The following SSH1 variants were observed in gnomAD, a reference collection of about 807,000 sequenced individuals.
The protein encoded by SSH1 is protein phosphatase Slingshot homolog 1.
A neutral mutation model predicts 79.7 loss-of-function variants in SSH1; 43 were observed. The observed-to-expected ratio is 0.54, with a 90% confidence interval of 0.42 to 0.70. The LOEUF is 0.70. Ranked by LOEUF, SSH1 falls within the 30% of genes least tolerant of loss-of-function variation. SSH1 has a pLI of 0.00. For synonymous variants in SSH1, 599 were observed against 538.3 expected, an observed-to-expected ratio of 1.11 and a Z score of -1.56; for missense variants, 1,206 against 1,358.8, an observed-to-expected ratio of 0.89 and a Z score of 1.77.
intron 2 of SSH1, among the ~76,000 whole-genome samples, chr12:108,830,740 C>T (rs527521609): frequency 2.6e-5 from 4 of 152,134 alleles, no homozygotes; most frequent in Non-Finnish European, 5.9e-5. Context: ...GAATGTTCTT[C>T]TGGCCCTCTA....
At chr12:108,790,275 T>C (rs1322005067) in intron 14 of SSH1, among the ~76,000 whole-genome samples, 2 of 151,998 alleles carry the variant, frequency 1.3e-5, no homozygotes, top group African/African-American at 4.8e-5. Context: ...CTCAGCCTCC[T>C]GAGTAGCTGG....
chr12:108,806,795 T>C (rs771903205), intron 8 of SSH1, among the ~76,000 whole-genome samples: 16 of 152,192 alleles, frequency 1.1e-4, no homozygotes, highest in Non-Finnish European at 2.1e-4. Flanking sequence ...TTATCCCCTT[T>C]TTCCTCAGAA....
Position 108,788,314 on chromosome 12 carries a change from G to A in SSH1, c.2824C>T (p.His942Tyr). 1.2e-6 allele frequency: 2 copies of A among 1,613,458 alleles called. No homozygotes were observed. Among genetic ancestry groups the A allele is most frequent in the Non-Finnish European group, 8.5e-7 (1 of 1,179,950 alleles). ...LTRSSSSDSI[H>Y]SVRGKPGLVK... ...AGCCCGGGCTTCCCACGGACACTGT[G>A]GATGCTATCGCTGCTGGAGCTCCGG... Residue 942 changes from histidine to tyrosine, a missense_variant, in exon 15 of 15, where the codon CAC becomes TAC. Physicochemically the swap from His to Tyr is moderately conservative, Grantham distance 83. Coordinates refer to ENST00000326495, the MANE Select transcript of SSH1 (RefSeq NM_018984.4).
At chr12:108,820,702 A>G (rs918781066) in intron 3 of SSH1, among the ~76,000 whole-genome samples, 4 of 152,250 alleles carry the variant, frequency 2.6e-5, no homozygotes, top group African/African-American at 9.6e-5. Flanking sequence ...TTCCAAGGAC[A>G]GAATTAACCC....
rs1346372952 is a variant in SSH1, at chr12:108,857,537, T to A, written c.-41A>T. On this transcript the variant is annotated 5_prime_UTR_variant, in exon 1 of 15. Coordinates refer to ENST00000326495, the MANE Select transcript of SSH1 (RefSeq NM_018984.4). This position sits in a 1 kb window ranked among gnomAD's most constrained non-coding sequence, Gnocchi z 4.7. The stretch of plus-strand genomic sequence containing the variant: ...CGAGGGCGCCACAGACGTCTCGAGC[T>A]AGAGCCGCCACCGCCACCGCCGCCC... The A allele has an allele frequency of 3.8e-6, 4 of 1,046,648 alleles. No individual in the cohort carries two copies. The highest frequency in any genetic ancestry group is 3.5e-6 in the Non-Finnish European group (3 of 861,146). 64.8% of individuals were successfully genotyped at this position (1,046,648 alleles called of 1,614,324 possible). A position where few individuals can be genotyped will look rare whatever the true frequency, so the allele number is the denominator to read the frequency against.
Position 108,803,495 on chromosome 12 carries a change from A to AC in SSH1, c.955-1128dup, listed in dbSNP as rs2037120343. Among the ~76,000 whole-genome samples, 7 of 152,148 alleles carry AC rather than the reference A, an allele frequency of 4.6e-5. No homozygotes were observed. In the South Asian group the frequency reaches 1.5e-3, roughly 32 times the overall value. On this transcript the variant is annotated intron_variant, in intron 10 of 14. Coordinates refer to ENST00000326495, the MANE Select transcript of SSH1 (RefSeq NM_018984.4). ...CTTTCCCAAGTTCCCAAGAGGGCAG[A>AC]CCCCTCAGGACCAGGGGTGGCAGGG... is the stretch of plus-strand genomic sequence containing the variant.
chr12:108,797,867 C>T (rs941171414), intron 13 of SSH1, among the ~76,000 whole-genome samples: 1 of 152,252 alleles, frequency 6.6e-6, no homozygotes, highest in Non-Finnish European at 1.5e-5. Context: ...GGTGTGAGTA[C>T]CCAAAAATGC....
chr12:108,810,029 G>A (rs1260763039), intron 6 of SSH1, among the ~76,000 whole-genome samples: 4 of 152,012 alleles, frequency 2.6e-5, no homozygotes, highest in African/African-American at 9.7e-5. Context: ...CCAGGTGAAG[G>A]CCTCCGAGAG....
chr12:108,827,610 C>T, intron 2 of SSH1: 1 of 1,208,448 alleles, frequency 8.3e-7, no homozygotes, highest in East Asian at 3.2e-5. Context: ...AGCTGAGGTT[C>T]CTCTAATCAC....
At chr12:108,838,606 G>A (rs568374261) in intron 2 of SSH1, among the ~76,000 whole-genome samples, 2 of 152,196 alleles carry the variant, frequency 1.3e-5, no homozygotes, top group Non-Finnish European at 1.5e-5. Flanking sequence ...AGCAGCTCTG[G>A]CACCAAGTGC....
chr12:108,826,118 C>T (rs866456992), intron 2 of SSH1: 3 of 454,950 alleles, frequency 6.6e-6, no homozygotes, highest in Middle Eastern at 3.2e-4. Flanking sequence ...AACCCAAGCA[C>T]GCTGGAAACA....
intron 14 of SSH1, chr12:108,792,039 T>C: frequency 6.9e-7 from 1 of 1,440,958 alleles, no homozygotes; most frequent in East Asian, 2.5e-5. Flanking sequence ...GAGATATGTG[T>C]TATTCCCAAC....
At chr12:108,856,584 C>T (rs2039147961) in intron 1 of SSH1, among the ~76,000 whole-genome samples, 1 of 152,236 alleles carries the variant, frequency 6.6e-6, no homozygotes, top group Non-Finnish European at 1.5e-5. Context: ...ACGTGAAACA[C>T]AGCCACACAG....
Position 108,817,064 on chromosome 12 carries a change from C to A in SSH1, c.375G>T (p.Leu125=). 6.2e-7 allele frequency: 1 copy of A among 1,614,150 alleles called. No homozygotes were observed. Among genetic ancestry groups the A allele is most frequent in the Non-Finnish European group, 8.5e-7 (1 of 1,179,986 alleles). Residue 125 remains leucine (L), a synonymous_variant, in exon 5 of 15, where the codon CTG becomes CTT. Coordinates refer to ENST00000326495, the MANE Select transcript of SSH1 (RefSeq NM_018984.4). ...GRQDTEENIL[L]GVDFSSKESK... ...TTTCCTTACTGGAAAAGTCCACTCC[C>A]AGCAAGATATTCTCCTCGGTGTCCT...
chr12:108,817,371 C>T (rs2037937964), intron 4 of SSH1: 4 of 549,662 alleles, frequency 7.3e-6, no homozygotes, highest in Admixed American at 5.2e-5. Flanking sequence ...GTCAGGAGTT[C>T]GAGACCAGCC....
chr12:108,779,196 A>C lies in SSH1; in HGVS notation c.*8792T>G, dbSNP rs1163949182. On this transcript the variant is annotated 3_prime_UTR_variant, in exon 15 of 15. Transcript: ENST00000326495. ...CACTGTATTTGCTGAAGTGGTTTAC[A>C]AAAAAAAGGAATTTCAGGTTGAAAA... 4 of 151,986 alleles carry C rather than the reference A, an allele frequency of 2.6e-5. No homozygotes were observed. The highest frequency in any genetic ancestry group is 5.9e-5 in the Non-Finnish European group (4 of 67,910). The allele number at this position is 151,986 out of a possible 1,614,324, so 9.4% of individuals were successfully genotyped here. A position where few individuals can be genotyped will look rare whatever the true frequency, so the allele number is the denominator to read the frequency against.
intron 2 of SSH1, among the ~76,000 whole-genome samples, chr12:108,834,764 T>G (rs2038557976): frequency 1.3e-5 from 2 of 152,178 alleles, no homozygotes; most frequent in Non-Finnish European, 2.9e-5. Flanking sequence ...CCAGTATATT[T>G]TAACTTCACA....
At chr12:108,839,681 G>A (rs547018892) in intron 2 of SSH1, among the ~76,000 whole-genome samples, 67 of 151,004 alleles carry the variant, frequency 4.4e-4, no homozygotes, top group Middle Eastern at 3.4e-3. Context: ...AACCATTCAA[G>A]AAAAGAAAGA....
chr12:108,779,782 C>A lies in SSH1; in HGVS notation c.*8206G>T, dbSNP rs2036129764. Reference sequence around the variant, plus strand: ...CTCCACCTCCTGGGTTCAAGCGATTCTCCTGCCTCAGCCTCCCGAGTAGCT... The same window carrying A: ...CTCCACCTCCTGGGTTCAAGCGATTATCCTGCCTCAGCCTCCCGAGTAGCT... On this transcript the variant is annotated 3_prime_UTR_variant, in exon 15 of 15. Transcript: ENST00000326495. 1 of 152,194 alleles carries A rather than the reference C, an allele frequency of 6.6e-6. No individual in the cohort carries two copies. Among genetic ancestry groups the A allele is most frequent in the African/African-American group, 2.4e-5 (1 of 41,438 alleles). 9.4% of individuals were successfully genotyped at this position (152,194 alleles called of 1,614,324 possible).
Sources: allele counts gnomAD v4.1 joint callset (sites outside exome capture counted in the v4.1 genomes callset), GRCh38; gene constraint gnomAD v4.1.1; non-coding constraint Gnocchi (gnomAD v3.1); transcripts MANE v1.5; gene names NCBI Gene and HGNC (gene_info 2026-07-23, HGNC 2026-07-21).